The following PSG11 variants were observed in gnomAD, a reference collection of about 807,000 sequenced individuals.
The protein encoded by PSG11 is pregnancy specific beta-1-glycoprotein 11.
PSG11 carries 42 observed loss-of-function variants against 36.0 expected under a neutral mutation model. The ratio of observed to expected loss-of-function variants is 1.17; its 90% CI spans 0.91 to 1.51. PSG11 has a LOEUF of 1.51. PSG11 is among the 40% of genes most tolerant of loss of function. The pLI, the probability that PSG11 is intolerant of heterozygous loss-of-function variation, is 0.00. For synonymous variants in PSG11, 206 were observed against 153.5 expected, an observed-to-expected ratio of 1.34 and a Z score of -2.53; for missense variants, 558 against 403.5, an observed-to-expected ratio of 1.38 and a Z score of -3.28.
chr19:43,013,207 T>G (rs1322634246), intron 4 of PSG11, among the ~76,000 whole-genome samples: 1 of 151,434 alleles, frequency 6.6e-6, no homozygotes, highest in Non-Finnish European at 1.5e-5. Flanking sequence ...GATTTCACAA[T>G]AATTCCTTGG....
chr19:43,024,829 G>T lies in PSG11; in HGVS notation c.292C>A (p.Arg98=). 2 of 1,611,888 alleles carry T rather than the reference G, an allele frequency of 1.2e-6. No homozygotes were observed. The highest frequency in any genetic ancestry group is 2.7e-5 in the African/African-American group (2 of 74,394). ...GATGCATTGGAATATACTGTTTCTC[G>T]TCCACTGTATGCCGGTCCATATATA... ...IIIYGPAYSG[R]ETVYSNASLL... Residue 98 remains arginine (R), a synonymous_variant, in exon 2 of 6, where the codon CGA becomes AGA. Coordinates refer to ENST00000320078, the MANE Select transcript of PSG11 (RefSeq NM_002785.3).
At chr19:43,013,694 C>T (rs1379172073) in intron 4 of PSG11, among the ~76,000 whole-genome samples, 2 of 151,326 alleles carry the variant, frequency 1.3e-5, no homozygotes, top group Non-Finnish European at 2.9e-5. Context: ...ATGTTACAGC[C>T]ACTGTAAAAA....
intron 1 of PSG11, 125 bp from the exon 2 acceptor site, chr19:43,025,181 A>AC (rs1399051535): frequency 7.3e-7 from 1 of 1,377,994 alleles, no homozygotes. Context: ...ACACACACAC[A>AC]CACATACAAA....
At chr19:43,013,581 A>G (rs2122792906) in intron 4 of PSG11, among the ~76,000 whole-genome samples, 1 of 151,504 alleles carries the variant, frequency 6.6e-6, no homozygotes, top group African/African-American at 2.4e-5. Flanking sequence ...AAAATTTAGG[A>G]TGGTTTTGAT....
At chr19:43,014,692 C>A in intron 4 of PSG11, 1 of 1,194,012 alleles carries the variant, frequency 8.4e-7, no homozygotes, top group Middle Eastern at 3.4e-4. Flanking sequence ...TTCCTCCTCT[C>A]ATTTGGGGGA....
At chr19:43,011,570 A>G (rs1227039158) in intron 4 of PSG11, among the ~76,000 whole-genome samples, 1 of 151,320 alleles carries the variant, frequency 6.6e-6, no homozygotes, top group East Asian at 1.9e-4. Context: ...AAAAAGAGAA[A>G]AGTTTAAAAT....
rs769853636 is a variant in PSG11 at position 43,008,028 on chromosome 19, T to A, written c.*55A>T. The A allele has an allele frequency of 1.3e-5, 5 of 394,248 alleles. 1 individual carries two copies. Among genetic ancestry groups the A allele is most frequent in the Non-Finnish European group, 2.4e-5 (5 of 212,378 alleles). The allele number at this position is 394,248 out of a possible 1,614,324, so 24.4% of individuals were successfully genotyped here. On this transcript the variant is annotated 3_prime_UTR_variant, in exon 6 of 6. Coordinates refer to ENST00000320078, the MANE Select transcript of PSG11 (RefSeq NM_002785.3). ...GTATTCAAGAGTCCTTTTCATAGTC[T>A]TTTCCATAAATCTCCTTGAAGAAAA... is the stretch of plus-strand genomic sequence containing the variant.
At chr19:43,020,712 G>T (rs915928169) in intron 2 of PSG11, among the ~76,000 whole-genome samples, 1 of 151,232 alleles carries the variant, frequency 6.6e-6, no homozygotes, top group Admixed American at 6.6e-5. Flanking sequence ...AGAGAGTCCC[G>T]TTAAAAGGAC....
rs1471321308 is a variant in PSG11, at chr19:43,011,281, G to T, written c.965-1240C>A. Among the ~76,000 whole-genome samples the T allele has an allele frequency of 2.0e-5, 3 of 151,246 alleles. No individual in the cohort carries two copies. In the Admixed American group the frequency reaches 2.0e-4, roughly 10 times the overall value. On this transcript the variant is annotated intron_variant, in intron 4 of 5. Transcript: ENST00000320078. ...GCAATTTTCAGGTGAGGAATCAGAG[G>T]TTCAGAGAAGTTGAGTCTTGTGCAA...
chr19:43,015,224 G>C lies in PSG11; in HGVS notation c.856C>G (p.Leu286Val). ...TTTGGAGTAATCTGAGGGATAAAGA[G>C]CTTTTGTCCTGATAGCTGAAACTTC... ...NGKFQLSGQK[L>V]FIPQITPKHN... Residue 286 changes from leucine to valine, a missense_variant, in exon 4 of 6, where the codon CTC (leucine) becomes GTC (valine). By Grantham distance (32) the Leu-to-Val change is conservative. Coordinates refer to ENST00000320078, the MANE Select transcript of PSG11 (RefSeq NM_002785.3). The C allele has an allele frequency of 6.2e-7, 1 of 1,611,532 alleles. No individual in the cohort carries two copies. The highest frequency in any genetic ancestry group is 2.2e-5 in the East Asian group (1 of 44,806).
intron 4 of PSG11, chr19:43,014,645 A>G (rs1377265539): frequency 1.2e-5 from 13 of 1,100,884 alleles, no homozygotes; most frequent in Non-Finnish European, 1.4e-5. Context: ...CAGAGCAGGA[A>G]GCAGAGTCTG....
chr19:43,008,420 C>A (rs544526821), intron 5 of PSG11, among the ~76,000 whole-genome samples: 1 of 151,036 alleles, frequency 6.6e-6, no homozygotes, highest in South Asian at 2.1e-4. Flanking sequence ...CTACAGGTGC[C>A]TGCCACCACA....
chr19:43,010,050 G>A lies in PSG11; in HGVS notation c.965-9C>T, dbSNP rs765852892. On this transcript the variant is annotated splice_polypyrimidine_tract_variant and intron_variant, in intron 4 of 5. Coordinates refer to ENST00000320078, the MANE Select transcript of PSG11 (RefSeq NM_002785.3). ...TCCTAATCCTGGAGGAGCTGTCATG[G>A]AAAGAAAAGAAAAGAAGGAATGAAG... The A allele has an allele frequency of 2.8e-5, 45 of 1,607,670 alleles. 1 individual carries two copies. Among genetic ancestry groups the A allele is most frequent in the African/African-American group, 6.7e-5 (5 of 74,262 alleles).
chr19:43,019,231 C>T lies in PSG11; in HGVS notation c.431-183G>A, dbSNP rs1324715164. 36 of 1,311,812 alleles carry T rather than the reference C, an allele frequency of 2.7e-5. 2 individuals carry two copies. In the East Asian group the frequency reaches 8.5e-4, roughly 31 times the overall value. The allele number at this position is 1,311,812 out of a possible 1,614,324, so 81.3% of individuals were successfully genotyped here. A position where few individuals can be genotyped will look rare whatever the true frequency, so the allele number is the denominator to read the frequency against. On this transcript the variant is annotated intron_variant, in intron 2 of 5. Transcript: ENST00000320078. ...TGAAGGCTAAGAGATTGTGAGGCTG[C>T]CTGCTTTATGTGGGAGAAGCACAGA...
At chr19:43,008,273 T>C (rs534559479) in intron 5 of PSG11, among the ~76,000 whole-genome samples, 1 of 151,426 alleles carries the variant, frequency 6.6e-6, no homozygotes, top group South Asian at 2.1e-4. Flanking sequence ...AGAACACTCA[T>C]TTTTTTAAAT....
At position 43,026,351 on chromosome 19, in the gene PSG11, G is replaced by GA. The variant is rs1293704721; in HGVS notation, c.21dup (p.Pro8SerfsTer32). 6.2e-7 allele frequency: 1 copy of GA among 1,610,558 alleles called. No homozygotes were observed. The highest frequency in any genetic ancestry group is 2.2e-5 in the East Asian group (1 of 44,686). ...TTCCATTTGATGTGCTCTGTGCAGGGAGGGGCTGAGAGGGGCCCCATGATC... is the reference window on the plus strand; with the variant it reads ...TTCCATTTGATGTGCTCTGTGCAGGGAAGGGGCTGAGAGGGGCCCCATGATC... On this transcript the variant is annotated frameshift_variant, in exon 1 of 6. Coordinates refer to ENST00000320078, the MANE Select transcript of PSG11 (RefSeq NM_002785.3). LOFTEE classifies it high-confidence loss of function.
chr19:43,010,501 A>G (rs545083040), intron 4 of PSG11: 7 of 882,766 alleles, frequency 7.9e-6, no homozygotes, highest in African/African-American at 6.9e-5. Flanking sequence ...TCTTTCCTAC[A>G]GGCTCCCAGG....
chr19:43,015,425 C>T, intron 3 of PSG11, 55 bp from the exon 4 acceptor site: 1 of 1,555,014 alleles, frequency 6.4e-7, no homozygotes, highest in Admixed American at 1.8e-5. Flanking sequence ...AGGGGAAGCT[C>T]CTTGTCTCTT....
chr19:43,011,688 C>G lies in PSG11; in HGVS notation c.965-1647G>C, dbSNP rs1440237491. Among the ~76,000 whole-genome samples, 2 of 151,050 alleles carry G rather than the reference C, an allele frequency of 1.3e-5. 1 individual carries two copies. Among genetic ancestry groups the G allele is most frequent in the Non-Finnish European group, 2.9e-5 (2 of 67,812 alleles). ...GATTTCTTGAGACCAGGTGTTTTGA[C>G]CAGCATAGGTAACCTGGGGAGATAC... On this transcript the variant is annotated intron_variant, in intron 4 of 5. Coordinates refer to ENST00000320078, the MANE Select transcript of PSG11 (RefSeq NM_002785.3).
Sources: allele counts gnomAD v4.1 joint callset (sites outside exome capture counted in the v4.1 genomes callset), GRCh38; gene constraint gnomAD v4.1.1; transcripts MANE v1.5; gene names NCBI Gene and HGNC (gene_info 2026-07-23, HGNC 2026-07-21).